Variants in RBMS1 observed in about 807,000 individuals in gnomAD.
The protein encoded by RBMS1 is RNA binding motif single stranded interacting protein 1.
A neutral mutation model predicts 62.3 loss-of-function variants in RBMS1; 17 were observed. The observed-to-expected ratio is 0.27, with a 90% CI of 0.19 to 0.41. The LOEUF (loss-of-function observed/expected upper bound fraction) is 0.41. Ranked by LOEUF, RBMS1 falls within the 10% of genes least tolerant of loss-of-function variation. The pLI, the probability that RBMS1 is intolerant of heterozygous loss-of-function variation, is 1.00. For missense variants in RBMS1, 334 were observed against 504.5 expected, an observed-to-expected ratio of 0.66 and a Z score of 3.24; for synonymous variants, 172 against 170.0, an observed-to-expected ratio of 1.01 and a Z score of -0.09.
At chr2:160,472,229 G>C (rs1684950015) in intron 1 of RBMS1, among the ~76,000 whole-genome samples, 1 of 152,018 alleles carries the variant, frequency 6.6e-6, no homozygotes, top group South Asian at 2.1e-4. Context: ...CTATTTCTCA[G>C]AATTACAAAG....
intron 2 of RBMS1, among the ~76,000 whole-genome samples, chr2:160,323,608 G>GGA (rs1553507983): frequency 1.2e-5 from 1 of 84,758 alleles, no homozygotes; most frequent in Admixed American, 1.5e-4. Flanking sequence ...AGAATTTCAT[G>GGA]AAAGAAAAAA....
At chr2:160,444,350 C>A (rs1014336249) in intron 1 of RBMS1, among the ~76,000 whole-genome samples, 1 of 152,148 alleles carries the variant, frequency 6.6e-6, no homozygotes, top group Non-Finnish European at 1.5e-5. Context: ...AAACCACATA[C>A]ATAAAATCAT....
chr2:160,427,123 T>A (rs1426198252), intron 1 of RBMS1, among the ~76,000 whole-genome samples: 1 of 152,152 alleles, frequency 6.6e-6, no homozygotes, highest in Non-Finnish European at 1.5e-5. Context: ...TAATGATCCA[T>A]AAAGAAAACA....
intron 1 of RBMS1, among the ~76,000 whole-genome samples, chr2:160,468,267 A>C (rs1415497691): frequency 6.6e-6 from 1 of 152,198 alleles, no homozygotes; most frequent in African/African-American, 2.4e-5. Context: ...CCACTACATG[A>C]GTAACAAAGG....
At chr2:160,493,241 C>T (rs769559155) in intron 1 of RBMS1, 48 bp downstream of exon 1, 1 of 1,571,972 alleles carries the variant, frequency 6.4e-7, no homozygotes, top group Non-Finnish European at 8.7e-7. Flanking sequence ...CTGCGCGCGT[C>T]CCCGGGCCCC....
At chr2:160,417,969 A>T (rs938975125) in intron 1 of RBMS1, among the ~76,000 whole-genome samples, 4 of 152,180 alleles carry the variant, frequency 2.6e-5, no homozygotes, top group Non-Finnish European at 5.9e-5. Context: ...TAATCTCACA[A>T]AGACATCCAT....
At chr2:160,291,432 G>C (rs1688673633) in intron 6 of RBMS1, among the ~76,000 whole-genome samples, 1 of 152,148 alleles carries the variant, frequency 6.6e-6, no homozygotes, top group African/African-American at 2.4e-5. Flanking sequence ...CAAAATGCAA[G>C]GAACTAGCTG....
intron 1 of RBMS1, among the ~76,000 whole-genome samples, chr2:160,478,502 G>T (rs2105353656): frequency 6.6e-6 from 1 of 152,292 alleles, no homozygotes; most frequent in Non-Finnish European, 1.5e-5. Flanking sequence ...TCTTTAGTAT[G>T]CCATGGTTCC....
At chr2:160,465,328 A>G (rs1684643368) in intron 1 of RBMS1, among the ~76,000 whole-genome samples, 1 of 152,214 alleles carries the variant, frequency 6.6e-6, no homozygotes, top group African/African-American at 2.4e-5. Context: ...TGCATAACAA[A>G]TATCAACAAC....
chr2:160,424,036 T>G (rs79213003), intron 1 of RBMS1, among the ~76,000 whole-genome samples: 2 of 151,610 alleles, frequency 1.3e-5, no homozygotes, highest in African/African-American at 4.8e-5. Flanking sequence ...TTTTTTTTTT[T>G]GAGACAGAGT....
chr2:160,312,200 T>G (rs896941908), intron 4 of RBMS1, among the ~76,000 whole-genome samples: 6 of 152,304 alleles, frequency 3.9e-5, no homozygotes, highest in Admixed American at 2.0e-4. Context: ...CCATCAAGTC[T>G]ATCTAAGGCA....
chr2:160,328,563 T>C (rs1256196932), intron 2 of RBMS1, among the ~76,000 whole-genome samples: 1 of 152,100 alleles, frequency 6.6e-6, no homozygotes, highest in African/African-American at 2.4e-5. Context: ...AAAATGAATA[T>C]GACCTTATAG....
intron 9 of RBMS1, chr2:160,284,260 T>G (rs1402586137): frequency 6.5e-6 from 1 of 155,012 alleles, no homozygotes; most frequent in Non-Finnish European, 1.4e-5. Flanking sequence ...CCTCCTCACT[T>G]AACCTAAACA....
chr2:160,311,232 C>CTATATATCTATATATCTATATATCTATA, intron 4 of RBMS1, among the ~76,000 whole-genome samples: 1 of 79,256 alleles, frequency 1.3e-5, no homozygotes, highest in East Asian at 3.2e-4. Context: ...ATCTATCTAT[C>CTATATATCTATATATCTATATATCTATA]TATATATATA....
rs1055027711 is a variant in RBMS1 at position 160,372,748 on chromosome 2, G to T, written c.76-5357C>A. On this transcript the variant is annotated intron_variant, in intron 1 of 13. Coordinates refer to ENST00000348849, the MANE Select transcript of RBMS1 (RefSeq NM_016836.4). ...GAGGGCTGGGAATGGTGGCTGGAAA[G>T]AGAAGTTCTGGCACAGGGAACTGGA... 2.6e-5 allele frequency among the ~76,000 whole-genome samples: 4 copies of T among 152,204 alleles called. No individual in the cohort carries two copies. In the East Asian group the frequency reaches 5.8e-4, roughly 22 times the overall value.
chr2:160,328,657 C>G (rs1252704570), intron 2 of RBMS1, among the ~76,000 whole-genome samples: 1 of 152,030 alleles, frequency 6.6e-6, no homozygotes, highest in African/African-American at 2.4e-5. Flanking sequence ...TTAGCACCCT[C>G]CCCCCGCCCC....
At chr2:160,379,751 T>C (rs1050605478) in intron 1 of RBMS1, among the ~76,000 whole-genome samples, 4 of 152,266 alleles carry the variant, frequency 2.6e-5, no homozygotes, top group African/African-American at 9.6e-5. Context: ...CCTTTTTACT[T>C]TTCTGTTGCT....
intron 1 of RBMS1, among the ~76,000 whole-genome samples, chr2:160,422,558 T>A (rs1371544638): frequency 6.6e-6 from 1 of 152,114 alleles, no homozygotes; most frequent in Non-Finnish European, 1.5e-5. Flanking sequence ...CTCATTCTCT[T>A]TATTCTCCCA....
intron 1 of RBMS1, among the ~76,000 whole-genome samples, chr2:160,487,338 G>A (rs1685638741): frequency 6.6e-6 from 1 of 152,158 alleles, no homozygotes; most frequent in Admixed American, 6.5e-5. Context: ...GACATCAGCT[G>A]GTGTGCTGCT....
Sources: allele counts gnomAD v4.1 joint callset (sites outside exome capture counted in the v4.1 genomes callset), GRCh38; gene constraint gnomAD v4.1.1; transcripts MANE v1.5; gene names NCBI Gene and HGNC (gene_info 2026-07-23, HGNC 2026-07-21).